Variants in CDH13 observed in about 807,000 individuals in gnomAD.
CDH13 encodes the protein cadherin-13.
CDH13 carries 24 observed loss-of-function variants against 63.8 expected under a neutral mutation model. That is an observed-to-expected ratio of 0.38 (90% CI 0.27 to 0.53). The LOEUF (loss-of-function observed/expected upper bound fraction) is 0.53, where lower values mean the gene tolerates loss of function less well. CDH13 is among the 20% of genes least tolerant of loss of function. The pLI is 0.85. For missense variants in CDH13, 1,049 were observed against 903.1 expected (o/e 1.16, Z -2.07); for synonymous variants, 503 against 355.3 (o/e 1.42, Z -4.67).
intron 1 of CDH13, among the ~76,000 whole-genome samples, chr16:82,687,102 G>A (rs547441870): frequency 3.9e-5 from 6 of 152,288 alleles, no homozygotes; most frequent in East Asian, 3.9e-4. Context: ...TACCCATTAC[G>A]TTTAGGATTT....
At chr16:83,393,693 A>G (rs556083081) in intron 6 of CDH13, among the ~76,000 whole-genome samples, 123 of 152,350 alleles carry the variant, frequency 8.1e-4, no homozygotes, top group Non-Finnish European at 1.4e-3. Flanking sequence ...GAATTGAATC[A>G]TTCATTCAAT....
chr16:82,697,412 A>ATTT (rs1567638311), intron 1 of CDH13, among the ~76,000 whole-genome samples: 5 of 123,798 alleles, frequency 4.0e-5, no homozygotes, highest in African/African-American at 1.5e-4. Context: ...GGGCCAAGGC[A>ATTT]TTTCTTTTTT....
At chr16:82,951,572 A>G (rs910155545) in intron 2 of CDH13, among the ~76,000 whole-genome samples, 3 of 152,188 alleles carry the variant, frequency 2.0e-5, no homozygotes, top group African/African-American at 7.2e-5. Context: ...GTCCATGGCA[A>G]TGAGTCCTAT....
In CDH13 at chr16:83,533,141, G is replaced by T. The variant is rs372097882; in HGVS notation, c.960+46486G>T. 8.5e-5 allele frequency among the ~76,000 whole-genome samples: 13 copies of T among 152,300 alleles called. No individual in the cohort carries two copies. In the East Asian group the frequency reaches 2.3e-3, roughly 27 times the overall value. On this transcript the variant is annotated intron_variant, in intron 7 of 13. Coordinates refer to ENST00000567109, the MANE Select transcript of CDH13 (RefSeq NM_001257.5). ...GAGAGGAGAGCGAGATGCTAACTCT[G>T]TCTCCACTCACTCTTATGCCAGAGG...
At chr16:82,872,360 C>G (rs900536525) in intron 2 of CDH13, among the ~76,000 whole-genome samples, 4 of 152,202 alleles carry the variant, frequency 2.6e-5, no homozygotes, top group African/African-American at 9.6e-5. Flanking sequence ...TCTTCACTCA[C>G]TTGGTTCTGG....
intron 7 of CDH13, among the ~76,000 whole-genome samples, chr16:83,586,494 C>G (rs1386229558): frequency 6.6e-6 from 1 of 152,222 alleles, no homozygotes; most frequent in East Asian, 1.9e-4. Context: ...AACATCCTGT[C>G]TGTCTGGGAG....
intron 5 of CDH13, among the ~76,000 whole-genome samples, chr16:83,229,748 A>C (rs2039949973): frequency 6.6e-6 from 1 of 152,142 alleles, no homozygotes; most frequent in Non-Finnish European, 1.5e-5. Flanking sequence ...TTCTGGAATC[A>C]TGTTGGAAAG....
intron 7 of CDH13, among the ~76,000 whole-genome samples, chr16:83,600,771 G>T (rs1907711928): frequency 6.6e-6 from 1 of 152,152 alleles, no homozygotes; most frequent in African/African-American, 2.4e-5. Context: ...AGCAAATAAG[G>T]GAAATTATTG....
intron 5 of CDH13, among the ~76,000 whole-genome samples, chr16:83,292,265 G>C (rs1449433233): frequency 6.6e-6 from 1 of 152,178 alleles, no homozygotes; most frequent in Non-Finnish European, 1.5e-5. Context: ...TGCACAGTGG[G>C]ACTCTTAGAA....
intron 4 of CDH13, among the ~76,000 whole-genome samples, chr16:83,211,875 C>T (rs1441116147): frequency 6.6e-6 from 1 of 152,022 alleles, no homozygotes; most frequent in Non-Finnish European, 1.5e-5. Context: ...TCTTTCTCAT[C>T]CTTAGCTATT....
chr16:82,645,444 A>G (rs1909980420), intron 1 of CDH13, among the ~76,000 whole-genome samples: 1 of 151,954 alleles, frequency 6.6e-6, no homozygotes, highest in African/African-American at 2.4e-5. Flanking sequence ...GACCCTCGGG[A>G]CAGTTTGCAA....
intron 3 of CDH13, among the ~76,000 whole-genome samples, chr16:83,078,957 G>T (rs1346169122): frequency 6.6e-6 from 1 of 152,126 alleles, no homozygotes; most frequent in East Asian, 1.9e-4. Flanking sequence ...ACCACAGCAA[G>T]CTAATTTTTG....
chr16:82,930,119 A>T (rs1359906184), intron 2 of CDH13, among the ~76,000 whole-genome samples: 1 of 136,538 alleles, frequency 7.3e-6, no homozygotes, highest in Non-Finnish European at 1.5e-5. Flanking sequence ...ATCTCAGCTC[A>T]CTACAACCTC....
chr16:82,981,280 A>C (rs916457629), intron 2 of CDH13, among the ~76,000 whole-genome samples: 2 of 152,184 alleles, frequency 1.3e-5, no homozygotes, highest in Non-Finnish European at 2.9e-5. Context: ...TGATAAATGT[A>C]TTCCCTCAAG....
At chr16:82,836,657 C>G (rs2038780253) in intron 1 of CDH13, among the ~76,000 whole-genome samples, 1 of 152,152 alleles carries the variant, frequency 6.6e-6, no homozygotes, top group Admixed American at 6.5e-5. Context: ...CTGCTGCCTT[C>G]AAACAGCAGA....
intron 6 of CDH13, among the ~76,000 whole-genome samples, chr16:83,370,846 C>G (rs752600938): frequency 6.6e-6 from 1 of 152,128 alleles, no homozygotes; most frequent in Non-Finnish European, 1.5e-5. Context: ...TATATATGTA[C>G]CATATTTCTT....
chr16:82,758,689 A>T (rs1442665604), intron 1 of CDH13, among the ~76,000 whole-genome samples: 1 of 152,156 alleles, frequency 6.6e-6, no homozygotes. Context: ...GAGGGGTAGT[A>T]AATGTAGGCA....
chr16:83,726,972 TC>T (rs1266286529), intron 10 of CDH13, among the ~76,000 whole-genome samples: 1 of 152,214 alleles, frequency 6.6e-6, no homozygotes, highest in Non-Finnish European at 1.5e-5. Flanking sequence ...CATGGATACC[TC>T]CCTTCCTTGA....
intron 2 of CDH13, among the ~76,000 whole-genome samples, chr16:82,942,346 C>G (rs1161368454): frequency 6.6e-6 from 1 of 152,188 alleles, no homozygotes; most frequent in East Asian, 1.9e-4. Context: ...TCCGCACTGT[C>G]TTTCCCTGGT....
Sources: allele counts gnomAD v4.1 joint callset (sites outside exome capture counted in the v4.1 genomes callset), GRCh38; gene constraint gnomAD v4.1.1; transcripts MANE v1.5; gene names NCBI Gene and HGNC (gene_info 2026-07-23, HGNC 2026-07-21).